PRKCH: variants seen among roughly 807,000 people sequenced by gnomAD.
The protein encoded by PRKCH is protein kinase C eta type.
PRKCH carries 28 observed loss-of-function variants against 82.5 expected under a neutral mutation model. The observed-to-expected ratio is 0.34, with a 90% CI of 0.25 to 0.47. The LOEUF (loss-of-function observed/expected upper bound fraction) is 0.47, where lower values mean the gene tolerates loss of function less well. PRKCH is among the 20% of genes least tolerant of loss of function. PRKCH has a pLI of 1.00. For synonymous variants in PRKCH, 322 were observed against 327.4 expected, an observed-to-expected ratio of 0.98 and a Z score of 0.18; for missense variants, 705 against 881.8, an observed-to-expected ratio of 0.80 and a Z score of 2.54.
chr14:61,309,506 C>T (rs1231986787), intron 1 of PRKCH, among the ~76,000 whole-genome samples: 1 of 152,190 alleles, frequency 6.6e-6, no homozygotes, highest in Non-Finnish European at 1.5e-5. Context: ...GCTTTAAATT[C>T]AGTTTCTCAT....
At chr14:61,495,757 C>T (rs1432152353) in intron 10 of PRKCH, among the ~76,000 whole-genome samples, 4 of 152,132 alleles carry the variant, frequency 2.6e-5, no homozygotes, top group Non-Finnish European at 5.9e-5. Context: ...ACAGACAAAA[C>T]CCCCTCCTCT....
chr14:61,536,782 G>A (rs1330693456), intron 12 of PRKCH, among the ~76,000 whole-genome samples: 1 of 152,094 alleles, frequency 6.6e-6, no homozygotes, highest in Non-Finnish European at 1.5e-5. Flanking sequence ...TGGCAAGGCA[G>A]GCTCCAGCAT....
At chr14:61,301,460 A>G (rs1474505265) in intron 1 of PRKCH, among the ~76,000 whole-genome samples, 4 of 152,254 alleles carry the variant, frequency 2.6e-5, no homozygotes, top group African/African-American at 9.6e-5. Context: ...TTAAGATTTA[A>G]AATGTCAGAA....
upstream of PRKCH, among the ~76,000 whole-genome samples, chr14:61,320,662 T>G (rs1377162255): frequency 6.6e-6 from 1 of 152,212 alleles, no homozygotes; most frequent in Non-Finnish European, 1.5e-5. Context: ...AAATTGGTTG[T>G]GGCTGGCCCT....
At chr14:61,190,698 T>C (rs2044401260) in intron 1 of PRKCH, among the ~76,000 whole-genome samples, 1 of 152,028 alleles carries the variant, frequency 6.6e-6, no homozygotes, top group South Asian at 2.1e-4. Flanking sequence ...CTCCCACCTT[T>C]CTATTCTCTT....
chr14:61,298,953 C>A (rs889120057), intron 1 of PRKCH: 1 of 152,086 alleles, frequency 6.6e-6, no homozygotes, highest in Admixed American at 6.5e-5. Flanking sequence ...GCCAAGTGGG[C>A]GACCTGAGAG....
At chr14:61,398,770 T>G (rs1353737015) in intron 2 of PRKCH, among the ~76,000 whole-genome samples, 2 of 151,802 alleles carry the variant, frequency 1.3e-5, no homozygotes, top group Non-Finnish European at 2.9e-5. Flanking sequence ...GTGGAAAAAT[T>G]TTACAGGAAA....
intron 1 of PRKCH, among the ~76,000 whole-genome samples, chr14:61,205,115 C>T (rs115932175): frequency 0.02 from 3,058 of 152,248 alleles, 99 homozygotes; most frequent in African/African-American, 0.068. Flanking sequence ...CCAGTGTCAC[C>T]AACATTGGAG....
At chr14:61,336,072 AC>A (rs1182708837) in intron 1 of PRKCH, among the ~76,000 whole-genome samples, 1 of 152,228 alleles carries the variant, frequency 6.6e-6, no homozygotes, top group African/African-American at 2.4e-5. Context: ...TAAACCATCT[AC>A]ACAGGGCATG....
At chr14:61,243,537 C>G (rs1300962519) in intron 1 of PRKCH, among the ~76,000 whole-genome samples, 1 of 151,996 alleles carries the variant, frequency 6.6e-6, no homozygotes. Flanking sequence ...GTAGCTACAG[C>G]TTGGGGAACG....
chr14:61,467,871 C>G (rs943673543), intron 9 of PRKCH, among the ~76,000 whole-genome samples: 1 of 152,102 alleles, frequency 6.6e-6, no homozygotes, highest in East Asian at 1.9e-4. Flanking sequence ...CATTTAATAC[C>G]CAAAGCATCC....
At chr14:61,399,555 GGTGA>G (rs1279342886) in intron 2 of PRKCH, among the ~76,000 whole-genome samples, 2 of 152,142 alleles carry the variant, frequency 1.3e-5, no homozygotes, top group African/African-American at 4.8e-5. Context: ...GGTAGGAACA[GGTGA>G]GTAAGATAAT....
chr14:61,250,216 GATAGAGTGAGACT>G (rs2044932472), intron 1 of PRKCH, among the ~76,000 whole-genome samples: 1 of 150,342 alleles, frequency 6.7e-6, no homozygotes, highest in Non-Finnish European at 1.5e-5. Context: ...CAGCCTGGGC[GATAGAGTGAGACT>G]CAGTCTCAAA....
At chr14:61,232,503 G>A (rs1453789886) in intron 1 of PRKCH, among the ~76,000 whole-genome samples, 2 of 152,220 alleles carry the variant, frequency 1.3e-5, no homozygotes, top group African/African-American at 4.8e-5. Flanking sequence ...TTACAGGCGT[G>A]AGCCACCGTG....
Position 61,342,070 on chromosome 14 carries a change from G to A in PRKCH, c.363+19606G>A, listed in dbSNP as rs530971153. Among the ~76,000 whole-genome samples, 13 of 152,178 alleles carry A rather than the reference G, an allele frequency of 8.5e-5. No homozygotes were observed. In the East Asian group the frequency reaches 2.5e-3, roughly 30 times the overall value. On this transcript the variant is annotated intron_variant, in intron 1 of 13. Transcript: ENST00000332981. The stretch of plus-strand genomic sequence containing the variant: ...GAGACTTGCATGGGGCTGACCTTGT[G>A]AGGTCCTAAGCCTGGTGACCAGCCT...
At chr14:61,247,306 A>T (rs2044894283) in intron 1 of PRKCH, among the ~76,000 whole-genome samples, 2 of 152,078 alleles carry the variant, frequency 1.3e-5, no homozygotes, top group African/African-American at 4.8e-5. Flanking sequence ...CAACGTATAC[A>T]GATACTTCAT....
intron 1 of PRKCH, among the ~76,000 whole-genome samples, chr14:61,215,906 C>T (rs2140049282): frequency 6.6e-6 from 1 of 152,304 alleles, no homozygotes; most frequent in East Asian, 1.9e-4. Flanking sequence ...GTGCCAGTCG[C>T]AGAATTGAGA....
chr14:61,345,564 A>G (rs1276194233), intron 1 of PRKCH, among the ~76,000 whole-genome samples: 2 of 152,218 alleles, frequency 1.3e-5, no homozygotes, highest in African/African-American at 4.8e-5. Flanking sequence ...CAGAGGAGTG[A>G]TGAATAGAGT....
intron 1 of PRKCH, among the ~76,000 whole-genome samples, chr14:61,272,344 C>CTTTT (rs1162331604): frequency 4.3e-3 from 101 of 23,586 alleles, no homozygotes; most frequent in East Asian, 7.8e-3. Flanking sequence ...TTTTTTCTTT[C>CTTTT]TTTTTTTTTT....
Sources: gnomAD v4.1 joint callset for allele counts (sites outside exome capture counted in the v4.1 genomes callset) on GRCh38, gnomAD v4.1.1 for gene constraint, MANE v1.5 for transcripts, NCBI Gene and HGNC (gene_info 2026-07-23, HGNC 2026-07-21) for gene names.